Variants in C12orf42 observed in about 807,000 individuals in gnomAD.
C12orf42 encodes the protein uncharacterized protein C12orf42.
C12orf42 carries 25 observed loss-of-function variants against 21.6 expected under a neutral mutation model. That is an observed-to-expected ratio of 1.16 (90% CI 0.84 to 1.62). The LOEUF is 1.62. Among genes scored for constraint, C12orf42 ranks in the 40% most tolerant of loss-of-function variants. The pLI, the probability that C12orf42 is intolerant of heterozygous loss-of-function variation, is 0.00. For missense variants in C12orf42, 483 were observed against 459.3 expected, an observed-to-expected ratio of 1.05 and a Z score of -0.47; for synonymous variants, 174 against 175.0, an observed-to-expected ratio of 0.99 and a Z score of 0.05.
At chr12:103,515,590 T>G in the C12orf42 span, among the ~76,000 whole-genome samples, 2 of 152,210 alleles carry the variant, frequency 1.3e-5, no homozygotes, top group East Asian at 3.8e-4. Context: ...AATCCCTCAG[T>G]GCTCTGGCCT....
At chr12:103,365,587 CT>C (rs1271278150) in intron 4 of C12orf42, among the ~76,000 whole-genome samples, 1 of 151,884 alleles carries the variant, frequency 6.6e-6, no homozygotes, top group Admixed American at 6.6e-5. Context: ...CTAAAGACTC[CT>C]TTAGAAAGCT....
At chr12:103,368,768 T>C in intron 4 of C12orf42, 119 bp downstream of exon 4, 1 of 566,192 alleles carries the variant, frequency 1.8e-6, no homozygotes, top group Non-Finnish European at 3.1e-6. Context: ...TCCTCTTTTG[T>C]TGCCATTTTG....
At chr12:103,540,210 G>T in the C12orf42 span, among the ~76,000 whole-genome samples, 1 of 152,106 alleles carries the variant, frequency 6.6e-6, no homozygotes, top group Non-Finnish European at 1.5e-5. Flanking sequence ...GTTTCACCAT[G>T]TTGGTCAGGC....
intron 4 of C12orf42, among the ~76,000 whole-genome samples, chr12:103,314,533 G>C (rs530159801): frequency 1.3e-4 from 20 of 152,288 alleles, no homozygotes; most frequent in African/African-American, 4.8e-4. Context: ...TGGGGACCAG[G>C]TTTAGAGAGA....
chr12:103,353,891 T>G (rs901398210), intron 4 of C12orf42, among the ~76,000 whole-genome samples: 3 of 152,052 alleles, frequency 2.0e-5, no homozygotes, highest in African/African-American at 7.2e-5. Flanking sequence ...CAAGCTTTAG[T>G]GTGAGAGGAA....
chr12:103,082,287 A>G, the C12orf42 span, among the ~76,000 whole-genome samples: 1 of 152,236 alleles, frequency 6.6e-6, no homozygotes, highest in Non-Finnish European at 1.5e-5. Flanking sequence ...TGAAATTGTT[A>G]ATTATACCAG....
intron 10 of C12orf42, among the ~76,000 whole-genome samples, chr12:103,239,696 G>T (rs1366483625): frequency 6.6e-6 from 1 of 152,106 alleles, no homozygotes; most frequent in African/African-American, 2.4e-5. Context: ...CTGTTGAGGG[G>T]GGCAAGGGTG....
At chr12:103,421,837 A>T (rs1009616004) in intron 2 of C12orf42, among the ~76,000 whole-genome samples, 3 of 152,334 alleles carry the variant, frequency 2.0e-5, no homozygotes, top group Non-Finnish European at 4.4e-5. Flanking sequence ...TGTCAAGATA[A>T]CAACTTTCCA....
At chr12:103,067,170 G>T in the C12orf42 span, among the ~76,000 whole-genome samples, 1 of 152,172 alleles carries the variant, frequency 6.6e-6, no homozygotes, top group African/African-American at 2.4e-5. Context: ...AAGGGCAGAG[G>T]TTTGTCCTCA....
chr12:103,464,416 G>GT (rs199780501), intron 2 of C12orf42, among the ~76,000 whole-genome samples: 93,651 of 147,680 alleles, frequency 0.63, 29,905 homozygotes, highest in Admixed American at 0.71. Context: ...TTTTAATGGG[G>GT]TTTTTTTTTT....
At chr12:103,518,741 G>A in the C12orf42 span, among the ~76,000 whole-genome samples, 24 of 152,166 alleles carry the variant, frequency 1.6e-4, no homozygotes, top group Non-Finnish European at 2.8e-4. Context: ...TTTTTAATCC[G>A]TATTTCTTCT....
chr12:103,367,539 A>G (rs2044718090), intron 4 of C12orf42, among the ~76,000 whole-genome samples: 1 of 152,002 alleles, frequency 6.6e-6, no homozygotes, highest in Admixed American at 6.6e-5. Context: ...AGATACAGTG[A>G]TAAGTGAAGA....
chr12:103,468,548 T>A (rs557252558), intron 2 of C12orf42, among the ~76,000 whole-genome samples: 54 of 152,330 alleles, frequency 3.5e-4, no homozygotes, highest in Non-Finnish European at 6.9e-4. Flanking sequence ...AAAATTCTCA[T>A]TGTTTTTAAT....
At chr12:103,345,303 C>T (rs925729034) in intron 4 of C12orf42, among the ~76,000 whole-genome samples, 1 of 152,076 alleles carries the variant, frequency 6.6e-6, no homozygotes, top group African/African-American at 2.4e-5. Context: ...ATAATAGGAC[C>T]TTACTCATAG....
In C12orf42 at chr12:103,386,074, G is replaced by A. The variant is rs1406466785; in HGVS notation, c.147+15533C>T. 3.9e-5 allele frequency among the ~76,000 whole-genome samples: 6 copies of A among 152,304 alleles called. 1 individual carries two copies. The South Asian group carries it at 8.3e-4, about 21-fold the overall frequency. On this transcript the variant is annotated intron_variant, in intron 3 of 5. Transcript: ENST00000548883. ...AACTCACTTGATTCCCACAACAACC[G>A]TATTAGGTTGGTGTTATTATTACCA...
At chr12:103,144,013 T>C in the C12orf42 span, among the ~76,000 whole-genome samples, 2 of 152,242 alleles carry the variant, frequency 1.3e-5, no homozygotes, top group Non-Finnish European at 2.9e-5. Flanking sequence ...GCATATACCA[T>C]AGTGCATCAC....
intron 3 of C12orf42, among the ~76,000 whole-genome samples, chr12:103,400,539 A>G (rs17033834): frequency 0.15 from 23,301 of 152,224 alleles, 1,886 homozygotes; most frequent in African/African-American, 0.21. Context: ...ATGAAACACC[A>G]TATTGCAGGT....
chr12:103,346,434 T>C (rs1391936277), intron 4 of C12orf42, among the ~76,000 whole-genome samples: 2 of 152,190 alleles, frequency 1.3e-5, no homozygotes, highest in East Asian at 3.8e-4. Flanking sequence ...GTAAAAAATG[T>C]GTATATTTAT....
chr12:103,197,928 G>A, the C12orf42 span, among the ~76,000 whole-genome samples: 2 of 152,200 alleles, frequency 1.3e-5, no homozygotes. Flanking sequence ...TTGAGCACCT[G>A]CTGTACTGAA....
Sources: gnomAD v4.1 joint callset for allele counts (sites outside exome capture counted in the v4.1 genomes callset) on GRCh38, gnomAD v4.1.1 for gene constraint, MANE v1.5 for transcripts, NCBI Gene and HGNC (gene_info 2026-07-23, HGNC 2026-07-21) for gene names.